BBS9: variants seen among roughly 807,000 people sequenced by gnomAD.
The protein encoded by BBS9 is Bardet-Biedl syndrome 9.
Under a neutral mutation model 117.7 loss-of-function variants are expected in BBS9, and 89 were observed. That is an observed-to-expected ratio of 0.76 (90% CI 0.64 to 0.90). The LOEUF is 0.90. Among genes scored for constraint, BBS9 ranks in the 40% least tolerant of loss-of-function variants. BBS9 has a pLI of 0.00. For missense variants in BBS9, 982 were observed against 1,042.2 expected (o/e 0.94, Z 0.80); for synonymous variants, 379 against 370.9 (o/e 1.02, Z -0.25).
intron 21 of BBS9, among the ~76,000 whole-genome samples, chr7:33,576,187 T>C (rs1327757977): frequency 1.3e-5 from 2 of 152,228 alleles, no homozygotes; most frequent in Non-Finnish European, 2.9e-5. Flanking sequence ...CTCCTTAAGC[T>C]GATAAGCAGC....
chr7:33,621,037 A>G (rs1562537982), intron 21 of BBS9, among the ~76,000 whole-genome samples: 1 of 152,194 alleles, frequency 6.6e-6, no homozygotes, highest in East Asian at 1.9e-4. Flanking sequence ...AGAATGAAAA[A>G]TTGCCCCTTA....
At chr7:33,226,891 A>G (rs1234441184) in intron 5 of BBS9, among the ~76,000 whole-genome samples, 1 of 152,172 alleles carries the variant, frequency 6.6e-6, no homozygotes, top group East Asian at 1.9e-4. Context: ...GGCTTGGGAA[A>G]GGATAATGGG....
intron 18 of BBS9, among the ~76,000 whole-genome samples, chr7:33,385,194 T>C (rs774748680): frequency 6.6e-6 from 1 of 152,200 alleles, no homozygotes; most frequent in Non-Finnish European, 1.5e-5. Context: ...CTTTATACTT[T>C]CTGGCTAGTA....
chr7:33,496,069 A>AG (rs1308582901), intron 19 of BBS9, among the ~76,000 whole-genome samples: 4 of 152,164 alleles, frequency 2.6e-5, no homozygotes, highest in Admixed American at 6.5e-5. Context: ...ATCATACCTT[A>AG]GTGTTTCGAA....
At chr7:33,501,034 C>T (rs960056893) in intron 19 of BBS9, among the ~76,000 whole-genome samples, 5 of 152,188 alleles carry the variant, frequency 3.3e-5, no homozygotes, top group Non-Finnish European at 7.3e-5. Context: ...GTTTCCTAAA[C>T]CCCTCCCTTT....
chr7:33,356,030 A>G (rs1008926800), intron 15 of BBS9, among the ~76,000 whole-genome samples: 5 of 151,882 alleles, frequency 3.3e-5, no homozygotes, highest in African/African-American at 9.7e-5. Flanking sequence ...AGTGTATAGA[A>G]GATAGTTTCT....
chr7:33,570,787 A>G (rs1419162862), intron 21 of BBS9, among the ~76,000 whole-genome samples: 2 of 152,206 alleles, frequency 1.3e-5, no homozygotes, highest in African/African-American at 4.8e-5. Context: ...ATTAGTGACA[A>G]AGGCACACAA....
intron 21 of BBS9, among the ~76,000 whole-genome samples, chr7:33,595,967 A>G (rs1279852362): frequency 6.6e-6 from 1 of 152,052 alleles, no homozygotes; most frequent in Non-Finnish European, 1.5e-5. Context: ...TGGGAGTGGA[A>G]CAGTGAGAAC....
intron 19 of BBS9, among the ~76,000 whole-genome samples, chr7:33,458,335 A>G (rs571683474): frequency 6.6e-6 from 1 of 152,290 alleles, no homozygotes; most frequent in South Asian, 2.1e-4. Context: ...TAAAGTTTTC[A>G]GAACAGCATC....
At chr7:33,301,007 C>T (rs1806292643) in intron 9 of BBS9, among the ~76,000 whole-genome samples, 1 of 152,058 alleles carries the variant, frequency 6.6e-6, no homozygotes, top group Non-Finnish European at 1.5e-5. Context: ...GTCCATCTGG[C>T]TTCTGTAGGT....
intron 5 of BBS9, among the ~76,000 whole-genome samples, chr7:33,217,640 A>T (rs1040203715): frequency 6.6e-6 from 1 of 152,248 alleles, no homozygotes; most frequent in African/African-American, 2.4e-5. Flanking sequence ...AACCATGCTG[A>T]GATAACACTA....
intron 19 of BBS9, among the ~76,000 whole-genome samples, chr7:33,491,885 G>T (rs532708763): frequency 7.2e-4 from 110 of 152,052 alleles, no homozygotes; most frequent in African/African-American, 2.6e-3. Context: ...GACATTTTTT[G>T]AATTTTATTT....
At chr7:33,527,608 G>T (rs1431561510) in intron 20 of BBS9, among the ~76,000 whole-genome samples, 3 of 152,144 alleles carry the variant, frequency 2.0e-5, no homozygotes, top group Non-Finnish European at 4.4e-5. Flanking sequence ...GCTTCGGCTC[G>T]CGCACGGTGC....
intron 19 of BBS9, among the ~76,000 whole-genome samples, chr7:33,440,067 G>A (rs531880132): frequency 1.9e-4 from 29 of 152,260 alleles, no homozygotes; most frequent in African/African-American, 6.5e-4. Flanking sequence ...AGGCTTAGAC[G>A]TTAGGGCTGG....
chr7:33,531,479 GGTCA>G (rs1345308370), intron 20 of BBS9, among the ~76,000 whole-genome samples: 1 of 152,072 alleles, frequency 6.6e-6, no homozygotes, highest in Admixed American at 6.6e-5. Context: ...AGTGTTTTGG[GGTCA>G]GTCTGGGGTT....
intron 19 of BBS9, among the ~76,000 whole-genome samples, chr7:33,476,991 T>C (rs1563228584): frequency 6.6e-6 from 1 of 152,190 alleles, no homozygotes; most frequent in African/African-American, 2.4e-5. Context: ...GGACCTATTA[T>C]AGCCTAGTGA....
intron 9 of BBS9, among the ~76,000 whole-genome samples, chr7:33,301,198 A>G (rs1019829653): frequency 3.3e-5 from 5 of 152,104 alleles, no homozygotes; most frequent in African/African-American, 1.2e-4. Flanking sequence ...GCATGTTAAA[A>G]TCAGGATAAA....
chr7:33,523,262 T>C (rs1848931234), intron 20 of BBS9, among the ~76,000 whole-genome samples: 1 of 147,180 alleles, frequency 6.8e-6, no homozygotes, highest in Admixed American at 6.7e-5. Context: ...AACTTTAAAG[T>C]AGTTTTTTCC....
rs541316583 is a variant in BBS9, at chr7:33,463,505, A to G, written c.2116-41958A>G. On this transcript the variant is annotated intron_variant, in intron 19 of 22. Coordinates refer to ENST00000242067, the MANE Select transcript of BBS9 (RefSeq NM_198428.3). ...ACAATGATCCCTTCCAGTCTTAAAAATTCTGTGATTCTGGACTGTGAGTTT... is the reference window on the plus strand; with the variant it reads ...ACAATGATCCCTTCCAGTCTTAAAAGTTCTGTGATTCTGGACTGTGAGTTT... 3.9e-5 allele frequency among the ~76,000 whole-genome samples: 6 copies of G among 152,198 alleles called. No individual in the cohort carries two copies. In the South Asian group the frequency reaches 6.2e-4, roughly 16 times the overall value.
Sources: allele counts gnomAD v4.1 joint callset (sites outside exome capture counted in the v4.1 genomes callset), GRCh38; gene constraint gnomAD v4.1.1; transcripts MANE v1.5; gene names NCBI Gene and HGNC (gene_info 2026-07-23, HGNC 2026-07-21).